NRXN1: variants seen among roughly 807,000 people sequenced by gnomAD.
The protein encoded by NRXN1 is neurexin-1.
In NRXN1, 39 loss-of-function variants were observed where a neutral mutation model predicts 150.9. That is an observed-to-expected ratio of 0.26 (90% CI 0.20 to 0.34). The LOEUF (loss-of-function observed/expected upper bound fraction) is 0.34. Among genes scored for constraint, NRXN1 ranks in the 10% least tolerant of loss-of-function variants. The pLI is 1.00. For missense variants in NRXN1, 1,815 were observed against 1,949.9 expected, an observed-to-expected ratio of 0.93 and a Z score of 1.30; for synonymous variants, 924 against 757.0, an observed-to-expected ratio of 1.22 and a Z score of -3.62.
intron 18 of NRXN1, among the ~76,000 whole-genome samples, chr2:50,117,165 A>T (rs1703181135): frequency 6.6e-6 from 1 of 152,200 alleles, no homozygotes; most frequent in African/African-American, 2.4e-5. Flanking sequence ...CTGAAAGTAG[A>T]CATATGTTAA....
At chr2:50,555,471 T>G (rs557872526) in intron 8 of NRXN1, among the ~76,000 whole-genome samples, 2 of 152,204 alleles carry the variant, frequency 1.3e-5, no homozygotes, top group South Asian at 4.1e-4. Context: ...TAGGGATAAT[T>G]CCCTGGGCAA....
intron 5 of NRXN1, among the ~76,000 whole-genome samples, chr2:50,724,362 T>C (rs1025163287): frequency 3.3e-5 from 5 of 152,210 alleles, no homozygotes; most frequent in Admixed American, 6.5e-5. Context: ...GAAATAGTTT[T>C]ATTATTTGGG....
At chr2:50,536,074 G>A (rs1011733886) in intron 10 of NRXN1, among the ~76,000 whole-genome samples, 1 of 152,118 alleles carries the variant, frequency 6.6e-6, no homozygotes, top group African/African-American at 2.4e-5. Context: ...TGGAAATTCG[G>A]AGGTTCAGGC....
intron 17 of NRXN1, among the ~76,000 whole-genome samples, chr2:50,257,111 C>T (rs2067776503): frequency 6.6e-6 from 1 of 151,988 alleles, no homozygotes; most frequent in Non-Finnish European, 1.5e-5. Flanking sequence ...CTATTATTAT[C>T]TCCATTTTAT....
At chr2:50,590,550 C>A (rs544861861) in intron 8 of NRXN1, among the ~76,000 whole-genome samples, 6 of 152,136 alleles carry the variant, frequency 3.9e-5, no homozygotes, top group African/African-American at 1.4e-4. Context: ...AATATGTGTG[C>A]CCCCTCTCCA....
chr2:50,299,220 T>A (rs930098462), intron 17 of NRXN1, among the ~76,000 whole-genome samples: 6 of 152,148 alleles, frequency 3.9e-5, no homozygotes, highest in Admixed American at 3.9e-4. Flanking sequence ...GAAAGCTATA[T>A]ATGGCAGGAG....
intron 21 of NRXN1, among the ~76,000 whole-genome samples, chr2:49,961,606 A>C (rs754615831): frequency 1.1e-4 from 16 of 152,194 alleles, no homozygotes; most frequent in Non-Finnish European, 2.4e-4. Flanking sequence ...TTTAAACAAA[A>C]ATAGATTAGG....
At chr2:50,395,263 C>T (rs767016950) in intron 17 of NRXN1, among the ~76,000 whole-genome samples, 6 of 151,608 alleles carry the variant, frequency 4.0e-5, no homozygotes, top group East Asian at 2.0e-4. Flanking sequence ...TTAAAGACTA[C>T]GAGATTGAAA....
chr2:50,275,565 G>A (rs1240077241), intron 17 of NRXN1, among the ~76,000 whole-genome samples: 1 of 151,526 alleles, frequency 6.6e-6, no homozygotes, highest in Non-Finnish European at 1.5e-5. Context: ...CATAATTGTT[G>A]CCCCTTGACT....
chr2:50,666,199 T>C (rs190008163), intron 5 of NRXN1, among the ~76,000 whole-genome samples: 77 of 152,108 alleles, frequency 5.1e-4, no homozygotes, highest in African/African-American at 1.7e-3. Flanking sequence ...CATAATTATT[T>C]TGAGATTCAT....
chr2:50,727,280 T>A (rs1332187499), intron 5 of NRXN1, among the ~76,000 whole-genome samples: 1 of 152,216 alleles, frequency 6.6e-6, no homozygotes, highest in Non-Finnish European at 1.5e-5. Flanking sequence ...TATTTTATTC[T>A]AAGCAAAATT....
intron 5 of NRXN1, among the ~76,000 whole-genome samples, chr2:50,720,409 A>G (rs564814037): frequency 9.2e-5 from 14 of 152,168 alleles, no homozygotes; most frequent in Non-Finnish European, 1.6e-4. Flanking sequence ...CTCTTTCCCT[A>G]TTTGCTTCCA....
Position 50,122,596 on chromosome 2 carries a change from G to A in NRXN1, c.3547-31102C>T, listed in dbSNP as rs1043388030. On this transcript the variant is annotated intron_variant, in intron 18 of 22. Coordinates refer to ENST00000401669, the MANE Select transcript of NRXN1 (RefSeq NM_001330078.2). ...CATCACCTCCTCACATGGAAGAAGT[G>A]TGCATAGAAACACCTAGCAGCAGGC... is the stretch of plus-strand genomic sequence containing the variant. Among the ~76,000 whole-genome samples the A allele has an allele frequency of 3.3e-5, 5 of 152,228 alleles. No individual in the cohort carries two copies. In the East Asian group the frequency reaches 7.7e-4, roughly 23 times the overall value.
intron 5 of NRXN1, among the ~76,000 whole-genome samples, chr2:50,776,750 T>G (rs536451323): frequency 7.2e-5 from 11 of 152,012 alleles, no homozygotes; most frequent in African/African-American, 2.7e-4. Context: ...TAAGTCTCAT[T>G]TTTATGGAGC....
At chr2:50,821,026 C>T (rs1327438266) in intron 5 of NRXN1, among the ~76,000 whole-genome samples, 1 of 152,060 alleles carries the variant, frequency 6.6e-6, no homozygotes. Flanking sequence ...TGCATTCACC[C>T]CCAACAACAT....
At chr2:50,684,429 G>A (rs765130147) in intron 5 of NRXN1, among the ~76,000 whole-genome samples, 1 of 151,900 alleles carries the variant, frequency 6.6e-6, no homozygotes, top group Non-Finnish European at 1.5e-5. Context: ...TTGAGTCCAG[G>A]AGGTCAAAAC....
chr2:50,992,534 T>G (rs1208611077), intron 2 of NRXN1, among the ~76,000 whole-genome samples: 1 of 151,994 alleles, frequency 6.6e-6, no homozygotes, highest in East Asian at 1.9e-4. Context: ...CACAGTTCTT[T>G]GTAGACAGAA....
chr2:49,929,104 G>A (rs761652034), intron 22 of NRXN1, among the ~76,000 whole-genome samples: 9 of 152,080 alleles, frequency 5.9e-5, no homozygotes, highest in Non-Finnish European at 1.2e-4. Context: ...ATATTGAGAC[G>A]TTCATTATCT....
Position 50,760,104 on chromosome 2 carries a change from C to A in NRXN1, c.833-136489G>T, listed in dbSNP as rs564496271. Among the ~76,000 whole-genome samples, 10 of 151,970 alleles carry A rather than the reference C, an allele frequency of 6.6e-5. No individual in the cohort carries two copies. In the South Asian group the frequency reaches 2.1e-3, roughly 31 times the overall value. ...TTTTTTAAAATCTCGCTGCACACAG[C>A]CTGATCCTGTACTACTCAAACATGT... On this transcript the variant is annotated intron_variant, in intron 5 of 22. Transcript: ENST00000401669.
Sources: allele counts gnomAD v4.1 joint callset (sites outside exome capture counted in the v4.1 genomes callset), GRCh38; gene constraint gnomAD v4.1.1; transcripts MANE v1.5; gene names NCBI Gene and HGNC (gene_info 2026-07-23, HGNC 2026-07-21).